The following FHIT variants were observed in gnomAD, a reference collection of about 807,000 sequenced individuals.
FHIT encodes the protein bis(5'-adenosyl)-triphosphatase.
FHIT carries 19 observed loss-of-function variants against 17.9 expected under a neutral mutation model. That is an observed-to-expected ratio of 1.06 (90% CI 0.74 to 1.56). The LOEUF is 1.56. Ranked by LOEUF, FHIT falls within the 40% of genes most tolerant of loss-of-function variation. The probability of loss-of-function intolerance (pLI) is 0.00; values close to 1 mark genes in which losing one functional copy is unlikely to be tolerated. For synonymous variants in FHIT, 81 were observed against 69.7 expected (o/e 1.16, Z -0.81); for missense variants, 248 against 189.2 (o/e 1.31, Z -1.82).
chr3:60,440,009 G>A (rs2030651376), intron 5 of FHIT, among the ~76,000 whole-genome samples: 1 of 151,974 alleles, frequency 6.6e-6, no homozygotes, highest in South Asian at 2.1e-4. Flanking sequence ...CACATCGACA[G>A]CCCCACAGCT....
At chr3:60,877,382 G>A (rs1461886986) in intron 3 of FHIT, among the ~76,000 whole-genome samples, 2 of 152,072 alleles carry the variant, frequency 1.3e-5, no homozygotes, top group Non-Finnish European at 2.9e-5. Flanking sequence ...ACCTTCACCT[G>A]CCCTCTCCCT....
At chr3:60,296,787 GTTACA>G (rs945601867) in intron 5 of FHIT, among the ~76,000 whole-genome samples, 3 of 151,900 alleles carry the variant, frequency 2.0e-5, no homozygotes, top group Non-Finnish European at 2.9e-5. Flanking sequence ...TTCTAAAAGT[GTTACA>G]TTAATGTTCA....
intron 3 of FHIT, among the ~76,000 whole-genome samples, chr3:60,928,181 A>G (rs1371167635): frequency 1.3e-5 from 2 of 152,114 alleles, no homozygotes; most frequent in Admixed American, 1.3e-4. Context: ...AGAAGGCCAC[A>G]GGGTCCTCTG....
rs118030599 is a variant in FHIT, at chr3:60,280,239, T to C, written c.103+256621A>G. Among the ~76,000 whole-genome samples the C allele has an allele frequency of 6.6e-3, 1,010 of 151,964 alleles. 26 individuals carry two copies. The highest frequency in any genetic ancestry group is 0.046 in the South Asian group (220 of 4,812). On this transcript the variant is annotated intron_variant, in intron 5 of 9. Transcript: ENST00000492590. ...ACTTCGTCAACTCGATACCAAAAAA[T>C]CTACAAAAAAACCTACAGCTAACAT...
intron 5 of FHIT, among the ~76,000 whole-genome samples, chr3:60,076,864 CA>C (rs1320596744): frequency 5.1e-5 from 5 of 98,018 alleles, no homozygotes; most frequent in Admixed American, 1.7e-4. Flanking sequence ...AAATAATCAC[CA>C]AAGTGAGACA....
In FHIT at chr3:60,135,611, T is replaced by C. The variant is rs373623022; in HGVS notation, c.104-121459A>G. On this transcript the variant is annotated intron_variant, in intron 5 of 9. Coordinates refer to ENST00000492590, the MANE Select transcript of FHIT (RefSeq NM_002012.4). ...ACATGAAGTAACCCGACTGACTTAT[T>C]TGTACTGAGAAAGGAAAAGCAACTA... Among the ~76,000 whole-genome samples the C allele has an allele frequency of 5.3e-5, 8 of 152,182 alleles. 1 individual carries two copies. The highest frequency in any genetic ancestry group is 1.9e-4 in the African/African-American group (8 of 41,550).
At chr3:60,409,771 A>T (rs1701998203) in intron 5 of FHIT, among the ~76,000 whole-genome samples, 1 of 152,160 alleles carries the variant, frequency 6.6e-6, no homozygotes, top group South Asian at 2.1e-4. Flanking sequence ...AAAAATCTCA[A>T]TTTTTCACAA....
chr3:60,452,083 T>C (rs1414037208), intron 5 of FHIT, among the ~76,000 whole-genome samples: 1 of 152,182 alleles, frequency 6.6e-6, no homozygotes, highest in East Asian at 1.9e-4. Flanking sequence ...TATACTTCTG[T>C]GAGATTTCTC....
intron 3 of FHIT, among the ~76,000 whole-genome samples, chr3:61,024,600 A>C (rs2032634300): frequency 6.6e-6 from 1 of 152,186 alleles, no homozygotes; most frequent in South Asian, 2.1e-4. Flanking sequence ...AAAGAAAAAC[A>C]TTGTCAAGAA....
intron 1 of FHIT, among the ~76,000 whole-genome samples, chr3:61,235,071 G>C (rs2040195269): frequency 6.6e-6 from 1 of 152,150 alleles, no homozygotes; most frequent in Admixed American, 6.5e-5. Context: ...CAATAAAAAT[G>C]AATGTTAATT....
intron 4 of FHIT, among the ~76,000 whole-genome samples, chr3:60,623,872 A>C (rs1205778250): frequency 6.6e-6 from 1 of 152,192 alleles, no homozygotes; most frequent in Admixed American, 6.5e-5. Context: ...GCTTCTCTCA[A>C]GGTCAATGTC....
chr3:60,184,000 T>G (rs376663600), intron 5 of FHIT, among the ~76,000 whole-genome samples: 23 of 44,978 alleles, frequency 5.1e-4, no homozygotes, highest in East Asian at 0.017. Flanking sequence ...TATTTTTCGT[T>G]TTTTTTTTTG....
At chr3:59,922,482 G>T in intron 7 of FHIT, 68 bp from the exon 8 acceptor site, 1 of 1,346,582 alleles carries the variant, frequency 7.4e-7, no homozygotes, top group Non-Finnish European at 1.1e-6. Flanking sequence ...TGACAGTGAT[G>T]CTCTCATGAA....
chr3:61,100,738 T>G (rs2035793417), intron 2 of FHIT, among the ~76,000 whole-genome samples: 2 of 152,254 alleles, frequency 1.3e-5, no homozygotes, highest in Admixed American at 6.5e-5. Context: ...CCTGACTTTT[T>G]AATAATTGCC....
At chr3:60,971,125 T>C (rs534768291) in intron 3 of FHIT, among the ~76,000 whole-genome samples, 66 of 152,224 alleles carry the variant, frequency 4.3e-4, no homozygotes, top group African/African-American at 1.6e-3. Flanking sequence ...CCCAGCACTT[T>C]GGGAGGTCAA....
chr3:61,153,648 C>T (rs1269522938), intron 2 of FHIT, among the ~76,000 whole-genome samples: 1 of 152,024 alleles, frequency 6.6e-6, no homozygotes, highest in Non-Finnish European at 1.5e-5. Flanking sequence ...AAAGATATAC[C>T]TGAGTAAGGA....
chr3:60,296,382 C>T (rs1448646406), intron 5 of FHIT, among the ~76,000 whole-genome samples: 2 of 152,086 alleles, frequency 1.3e-5, no homozygotes, highest in African/African-American at 4.8e-5. Flanking sequence ...AGATGTGCAG[C>T]GATATCTCAA....
At chr3:60,031,133 T>A (rs886221129) in intron 5 of FHIT, among the ~76,000 whole-genome samples, 2 of 152,118 alleles carry the variant, frequency 1.3e-5, no homozygotes, top group Non-Finnish European at 2.9e-5. Context: ...TCAAGAAGAG[T>A]CAACAGAGAA....
intron 3 of FHIT, among the ~76,000 whole-genome samples, chr3:60,934,519 T>G (rs961583634): frequency 3.9e-5 from 6 of 152,138 alleles, no homozygotes; most frequent in Non-Finnish European, 5.9e-5. Flanking sequence ...CTTTCTAGAG[T>G]GCAGGCAAGG....
Sources: gnomAD v4.1 joint callset for allele counts (sites outside exome capture counted in the v4.1 genomes callset) on GRCh38, gnomAD v4.1.1 for gene constraint, MANE v1.5 for transcripts, NCBI Gene and HGNC (gene_info 2026-07-23, HGNC 2026-07-21) for gene names.